Variants in IGSF3 observed in about 807,000 individuals in gnomAD.
IGSF3 encodes immunoglobulin superfamily member 3, also known as glu-Trp-Ile EWI motif-containing protein 3.
A neutral mutation model predicts 114.4 loss-of-function variants in IGSF3; 23 were observed. The ratio of observed to expected loss-of-function variants is 0.20; its 90% CI spans 0.14 to 0.28. The LOEUF (loss-of-function observed/expected upper bound fraction) is 0.28. Ranked by LOEUF, IGSF3 falls within the 10% of genes least tolerant of loss-of-function variation. The pLI is 1.00. For synonymous variants in IGSF3, 571 were observed against 645.2 expected, an observed-to-expected ratio of 0.88 and a Z score of 1.74; for missense variants, 1,172 against 1,591.5, an observed-to-expected ratio of 0.74 and a Z score of 4.48.
Position 116,589,528 on chromosome 1 carries a change from C to T in IGSF3, c.2030-424G>A, listed in dbSNP as rs1660002521. On this transcript the variant is annotated intron_variant, in intron 7 of 10. Transcript: ENST00000369486. The surrounding 1 kb of genome is among the most constrained non-coding windows in gnomAD (Gnocchi z 5.7). Reference sequence around the variant, plus strand: ...CCCAAGTGTCCTGACTCATCTCTCACGACTCACCCTCAGGCACCCTCCACA... The same window carrying T: ...CCCAAGTGTCCTGACTCATCTCTCATGACTCACCCTCAGGCACCCTCCACA... Among the ~76,000 whole-genome samples, 1 of 152,096 alleles carries T rather than the reference C, an allele frequency of 6.6e-6. No homozygotes were observed. The highest frequency in any genetic ancestry group is 1.5e-5 in the Non-Finnish European group (1 of 68,018).
chr1:116,600,849 G>A lies in IGSF3; in HGVS notation c.1625-504C>T, dbSNP rs568899487. On this transcript the variant is annotated intron_variant, in intron 6 of 10. Transcript: ENST00000369486. This position sits in a 1 kb window ranked among gnomAD's most constrained non-coding sequence, Gnocchi z 5.5. ...AGTCGGCCTCCAGTCCCTTTCTCAC[G>A]TCCCTCATGAAATCCAAAAACAGAG... Among the ~76,000 whole-genome samples, 10 of 152,200 alleles carry A rather than the reference G, an allele frequency of 6.6e-5. No homozygotes were observed. The highest frequency in any genetic ancestry group is 1.4e-4 in the African/African-American group (6 of 41,518).
chr1:116,666,219 A>G, intron 2 of IGSF3, 65 bp downstream of exon 2: 1 of 1,450,876 alleles, frequency 6.9e-7, no homozygotes, highest in Non-Finnish European at 9.7e-7. Flanking sequence ...AACCACGAGA[A>G]ATTACAGGAA....
At position 116,648,057 on chromosome 1, in the gene IGSF3, T is replaced by A. The variant is rs1225694213; in HGVS notation, c.43+18227A>T. 6.6e-6 allele frequency among the ~76,000 whole-genome samples: 1 copy of A among 152,030 alleles called. No individual in the cohort carries two copies. Among genetic ancestry groups the A allele is most frequent in the East Asian group, 1.9e-4 (1 of 5,184 alleles). On this transcript the variant is annotated intron_variant, in intron 2 of 10. Coordinates refer to ENST00000369486, the MANE Select transcript of IGSF3 (RefSeq NM_001007237.3). This position sits in a 1 kb window ranked among gnomAD's most constrained non-coding sequence, Gnocchi z 4.7. Reference sequence around the variant, plus strand: ...AGGCAGAGGTTGCGATAAGCTGAGATTGGGCCACTGCACTCCAGCCTGGGC... The same window carrying A: ...AGGCAGAGGTTGCGATAAGCTGAGAATGGGCCACTGCACTCCAGCCTGGGC...
rs1374467115 is a variant in IGSF3, at chr1:116,634,501, G to C, written c.44-18044C>G. 6.6e-6 allele frequency among the ~76,000 whole-genome samples: 1 copy of C among 151,808 alleles called. No homozygotes were observed. Among genetic ancestry groups the C allele is most frequent in the African/African-American group, 2.4e-5 (1 of 41,312 alleles). On this transcript the variant is annotated intron_variant, in intron 2 of 10. Transcript: ENST00000369486. This position sits in a 1 kb window ranked among gnomAD's most constrained non-coding sequence, Gnocchi z 4.2. ...CTCTCTCCCTGCCCACATCTCCTCA[G>C]TCACTCGCTGCCTCCTCTCTTGCTT...
In IGSF3 at chr1:116,633,294, C is replaced by T. The variant is rs187617764; in HGVS notation, c.44-16837G>A. On this transcript the variant is annotated intron_variant, in intron 2 of 10. Coordinates refer to ENST00000369486, the MANE Select transcript of IGSF3 (RefSeq NM_001007237.3). The surrounding 1 kb of genome is among the most constrained non-coding windows in gnomAD (Gnocchi z 4.3). ...AAATCAGATCTCAGTAGGTCATCAA[C>T]CATTCCAGGAAGTCCAGCAGAGTTG... is the stretch of plus-strand genomic sequence containing the variant. Among the ~76,000 whole-genome samples the T allele has an allele frequency of 3.5e-4, 54 of 152,316 alleles. 1 individual carries two copies. Among genetic ancestry groups the T allele is most frequent in the African/African-American group, 1.1e-3 (44 of 41,576 alleles).
At chr1:116,587,203 C>T (rs1048280375) in intron 8 of IGSF3, among the ~76,000 whole-genome samples, 3 of 151,962 alleles carry the variant, frequency 2.0e-5, no homozygotes, top group Admixed American at 1.3e-4. Context: ...AGATAGAAAA[C>T]AAATGTGTGT....
In IGSF3 at chr1:116,662,077, T is replaced by C. The variant is rs1281608177; in HGVS notation, c.43+4207A>G. On this transcript the variant is annotated intron_variant, in intron 2 of 10. Transcript: ENST00000369486. The surrounding 1 kb of genome is among the most constrained non-coding windows in gnomAD (Gnocchi z 4.3). The stretch of plus-strand genomic sequence containing the variant: ...GCAATCTATCTTAGGCAAGTGACTC[T>C]TTTTTTTTTTTTGAGACAGAGTTTT... 1.4e-5 allele frequency among the ~76,000 whole-genome samples: 2 copies of C among 143,842 alleles called. No homozygotes were observed. Among genetic ancestry groups the C allele is most frequent in the Admixed American group, 1.4e-4 (2 of 14,350 alleles). The allele number at this position is 143,842 out of a possible 152,430, so 94.4% of individuals were successfully genotyped here.
rs897833707 is a variant in IGSF3 at position 116,607,199 on chromosome 1, A to C, written c.1222+743T>G. Among the ~76,000 whole-genome samples, 1 of 152,212 alleles carries C rather than the reference A, an allele frequency of 6.6e-6. No individual in the cohort carries two copies. The highest frequency in any genetic ancestry group is 1.5e-5 in the Non-Finnish European group (1 of 68,036). On this transcript the variant is annotated intron_variant, in intron 5 of 10. Transcript: ENST00000369486. The surrounding 1 kb of genome is among the most constrained non-coding windows in gnomAD (Gnocchi z 6.1). ...CTAAAAACAGAACTATGGGAGAATGAGATTAATAAGAATATCTTGATACTA... is the reference window on the plus strand; with the variant it reads ...CTAAAAACAGAACTATGGGAGAATGCGATTAATAAGAATATCTTGATACTA...
chr1:116,637,305 A>G (rs1373454222), intron 2 of IGSF3, among the ~76,000 whole-genome samples: 1 of 152,214 alleles, frequency 6.6e-6, no homozygotes, highest in Non-Finnish European at 1.5e-5. Context: ...GATACAGGAC[A>G]ACCCCAATCT....
chr1:116,583,835 G>A lies in IGSF3; in HGVS notation c.2848+810C>T, dbSNP rs1226877006. Among the ~76,000 whole-genome samples the A allele has an allele frequency of 1.3e-5, 2 of 152,096 alleles. No individual in the cohort carries two copies. Among genetic ancestry groups the A allele is most frequent in the Non-Finnish European group, 2.9e-5 (2 of 68,024 alleles). On this transcript the variant is annotated intron_variant, in intron 9 of 10. Coordinates refer to ENST00000369486, the MANE Select transcript of IGSF3 (RefSeq NM_001007237.3). This position sits in a 1 kb window ranked among gnomAD's most constrained non-coding sequence, Gnocchi z 4.5. ...GTAATTACATGCATTTAGATATTTA[G>A]AAACAGCAATAAAGACAAGAAAAAC...
chr1:116,601,579 A>G (rs1297251837), intron 6 of IGSF3, among the ~76,000 whole-genome samples: 1 of 152,254 alleles, frequency 6.6e-6, no homozygotes, highest in Non-Finnish European at 1.5e-5. Flanking sequence ...AGAAATTTAA[A>G]AAAAGTACTT....
rs143713482 is a variant in IGSF3 at position 116,594,036 on chromosome 1, A to C, written c.2030-4932T>G. Among the ~76,000 whole-genome samples, 96 of 152,316 alleles carry C rather than the reference A, an allele frequency of 6.3e-4. No individual in the cohort carries two copies. Among genetic ancestry groups the C allele is most frequent in the African/African-American group, 2.2e-3 (90 of 41,562 alleles). The stretch of plus-strand genomic sequence containing the variant: ...TATAATCACAATACTTTTATTTTGC[A>C]TGGTTTTAAAATATGCCAGGTCAGT... On this transcript the variant is annotated intron_variant, in intron 7 of 10. Transcript: ENST00000369486. This position sits in a 1 kb window ranked among gnomAD's most constrained non-coding sequence, Gnocchi z 5.2.
intron 2 of IGSF3, among the ~76,000 whole-genome samples, chr1:116,663,821 G>A (rs529137811): frequency 1.3e-5 from 2 of 152,080 alleles, no homozygotes; most frequent in South Asian, 2.1e-4. Flanking sequence ...TACCTGCATC[G>A]GTCTCACTTT....
chr1:116,594,924 T>C lies in IGSF3; in HGVS notation c.2029+5017A>G, dbSNP rs551835887. On this transcript the variant is annotated intron_variant, in intron 7 of 10. Transcript: ENST00000369486. The surrounding 1 kb of genome is among the most constrained non-coding windows in gnomAD (Gnocchi z 5.2). ...TCCTCACGCCCCCTGCCCCCGTTCA[T>C]GCCCTGTGCTGGCTCTGCCTCCACA... Among the ~76,000 whole-genome samples the C allele has an allele frequency of 2.0e-4, 30 of 146,932 alleles. No individual in the cohort carries two copies. Among genetic ancestry groups the C allele is most frequent in the Non-Finnish European group, 3.2e-4 (21 of 66,564 alleles).
intron 2 of IGSF3, among the ~76,000 whole-genome samples, chr1:116,619,315 GGCCAGCGGATCAT>G (rs1251763185): frequency 6.6e-6 from 1 of 152,138 alleles, no homozygotes; most frequent in Non-Finnish European, 1.5e-5. Flanking sequence ...AAAGGCACTC[GGCCAGCGGATCAT>G]GCACGTCCTC....
intron 7 of IGSF3, among the ~76,000 whole-genome samples, chr1:116,591,057 G>A (rs565890508): frequency 6.6e-4 from 99 of 150,128 alleles, no homozygotes; most frequent in African/African-American, 2.2e-3. Context: ...CCACCCTCCC[G>A]GGTTCATCTT....
chr1:116,626,612 A>G (rs1023895332), intron 2 of IGSF3, among the ~76,000 whole-genome samples: 1 of 152,048 alleles, frequency 6.6e-6, no homozygotes, highest in African/African-American at 2.4e-5. Flanking sequence ...CCCAGGGAAG[A>G]CCTTATCACT....
Position 116,614,200 on chromosome 1 carries a change from G to A in IGSF3, c.422-25C>T. 6.3e-7 allele frequency: 1 copy of A among 1,592,602 alleles called. No homozygotes were observed. Among genetic ancestry groups the A allele is most frequent in the Non-Finnish European group, 8.6e-7 (1 of 1,164,090 alleles). ...ACTGCAACACAGAAATGTCCTGAGAGTGCAGTCACAAAGCCACAGAATCTG... is the reference window on the plus strand; with the variant it reads ...ACTGCAACACAGAAATGTCCTGAGAATGCAGTCACAAAGCCACAGAATCTG... On this transcript the variant is annotated intron_variant, in intron 3 of 10. Transcript: ENST00000369486. This position sits in a 1 kb window ranked among gnomAD's most constrained non-coding sequence, Gnocchi z 4.5.
rs572437764 is a variant in IGSF3 at position 116,649,140 on chromosome 1, G to A, written c.43+17144C>T. 4.6e-5 allele frequency among the ~76,000 whole-genome samples: 7 copies of A among 152,342 alleles called. No individual in the cohort carries two copies. Among genetic ancestry groups the A allele is most frequent in the African/African-American group, 1.2e-4 (5 of 41,586 alleles). Reference sequence around the variant, plus strand: ...AGGATTTCCCAGCTGAGCAAGAACCGTCAAAGTCTGGTCCTGGAAGGACAG... The same window carrying A: ...AGGATTTCCCAGCTGAGCAAGAACCATCAAAGTCTGGTCCTGGAAGGACAG... On this transcript the variant is annotated intron_variant, in intron 2 of 10. Transcript: ENST00000369486. This position sits in a 1 kb window ranked among gnomAD's most constrained non-coding sequence, Gnocchi z 4.5.
Sources: gnomAD v4.1 joint callset for allele counts (sites outside exome capture counted in the v4.1 genomes callset) on GRCh38, gnomAD v4.1.1 for gene constraint, Gnocchi (gnomAD v3.1) non-coding constraint, MANE v1.5 for transcripts, NCBI Gene and HGNC (gene_info 2026-07-23, HGNC 2026-07-21) for gene names.